ELAVL2: variants seen among roughly 807,000 people sequenced by gnomAD.
The protein encoded by ELAVL2 is ELAV-like protein 2.
In ELAVL2, 4 loss-of-function variants were observed where a neutral mutation model predicts 34.6. The observed-to-expected ratio is 0.12, with a 90% CI of 0.06 to 0.26. ELAVL2 has a LOEUF of 0.26. Among genes scored for constraint, ELAVL2 ranks in the 10% least tolerant of loss-of-function variants. The probability of loss-of-function intolerance (pLI) is 1.00; values close to 1 mark genes in which losing one functional copy is unlikely to be tolerated. For synonymous variants in ELAVL2, 193 were observed against 154.8 expected, an observed-to-expected ratio of 1.25 and a Z score of -1.83; for missense variants, 432 against 442.8, an observed-to-expected ratio of 0.98 and a Z score of 0.22.
At chr9:23,800,412 G>A (rs1253634586) in intron 1 of ELAVL2, among the ~76,000 whole-genome samples, 3 of 152,162 alleles carry the variant, frequency 2.0e-5, no homozygotes, top group Non-Finnish European at 4.4e-5. Context: ...CCCAAGAGCA[G>A]CTCTACTAAG....
intron 1 of ELAVL2, among the ~76,000 whole-genome samples, chr9:23,766,490 C>G (rs940652600): frequency 4.6e-5 from 7 of 152,062 alleles, no homozygotes; most frequent in African/African-American, 1.7e-4. Flanking sequence ...CTACATAAAA[C>G]AGATTTTAAT....
intron 1 of ELAVL2, among the ~76,000 whole-genome samples, chr9:23,804,178 T>A (rs1227978385): frequency 7.6e-6 from 1 of 131,468 alleles, no homozygotes; most frequent in African/African-American, 2.5e-5. Context: ...TATTTATTTA[T>A]TTATTTTTTT....
chr9:23,765,061 TCA>T, intron 1 of ELAVL2: 1 of 1,609,602 alleles, frequency 6.2e-7, no homozygotes, highest in Non-Finnish European at 8.5e-7. Context: ...AGAAGCCACA[TCA>T]CACAGTCTGA....
chr9:23,695,157 A>T (rs2034689645), intron 5 of ELAVL2, among the ~76,000 whole-genome samples: 1 of 152,196 alleles, frequency 6.6e-6, no homozygotes, highest in South Asian at 2.1e-4. Context: ...AACTACCAGC[A>T]ATAAAGACAA....
At chr9:23,723,470 C>T (rs1344607236) in intron 3 of ELAVL2, among the ~76,000 whole-genome samples, 1 of 151,836 alleles carries the variant, frequency 6.6e-6, no homozygotes, top group Admixed American at 6.6e-5. Context: ...TGCTGAATGA[C>T]CAGTTAATGG....
chr9:23,797,222 G>A (rs2061038458), intron 1 of ELAVL2, among the ~76,000 whole-genome samples: 1 of 152,116 alleles, frequency 6.6e-6, no homozygotes, highest in Non-Finnish European at 1.5e-5. Context: ...GCCCAAAAGT[G>A]AACCTCTATC....
intron 2 of ELAVL2, among the ~76,000 whole-genome samples, chr9:23,759,153 A>G (rs1318106211): frequency 1.3e-5 from 2 of 152,122 alleles, no homozygotes; most frequent in Non-Finnish European, 2.9e-5. Flanking sequence ...AACAGCCAAA[A>G]TATGGACTCA....
At chr9:23,799,406 TC>T (rs971430446) in intron 1 of ELAVL2, among the ~76,000 whole-genome samples, 14 of 152,164 alleles carry the variant, frequency 9.2e-5, no homozygotes, top group Non-Finnish European at 2.1e-4. Context: ...CCTAAGGCAC[TC>T]AGGGTGAAAC....
chr9:23,790,945 C>T (rs554520649), intron 1 of ELAVL2, among the ~76,000 whole-genome samples: 1 of 152,292 alleles, frequency 6.6e-6, no homozygotes, highest in Admixed American at 6.5e-5. Context: ...CAGAGCTGCA[C>T]AGACACCAGC....
chr9:23,827,161 T>C (rs1384915994), upstream of ELAVL2, among the ~76,000 whole-genome samples: 2 of 152,212 alleles, frequency 1.3e-5, no homozygotes, highest in African/African-American at 4.8e-5. Context: ...CTCCTCTGCA[T>C]TTGCAGACAG....
chr9:23,799,217 G>A (rs2061310908), intron 1 of ELAVL2, among the ~76,000 whole-genome samples: 1 of 152,040 alleles, frequency 6.6e-6, no homozygotes, highest in African/African-American at 2.4e-5. Context: ...AAATACAAAG[G>A]AGTACCTCTC....
chr9:23,763,971 C>G (rs1194532028), intron 1 of ELAVL2, among the ~76,000 whole-genome samples: 2 of 152,184 alleles, frequency 1.3e-5, no homozygotes, highest in African/African-American at 4.8e-5. Flanking sequence ...ATTTAAAAAT[C>G]TTAAATAATT....
intron 3 of ELAVL2, among the ~76,000 whole-genome samples, chr9:23,706,342 G>C (rs2039315748): frequency 1.3e-5 from 2 of 152,182 alleles, no homozygotes; most frequent in Admixed American, 6.5e-5. Context: ...CCTAGTGAGT[G>C]CCTGACATGT....
intron 1 of ELAVL2, among the ~76,000 whole-genome samples, chr9:23,784,623 CTT>C (rs2059464797): frequency 6.6e-6 from 1 of 152,150 alleles, no homozygotes; most frequent in South Asian, 2.1e-4. Context: ...ATGGATAAAA[CTT>C]AAGCTACAGA....
Position 23,692,424 on chromosome 9 carries a change from T to C in ELAVL2, c.*133A>G. On this transcript the variant is annotated 3_prime_UTR_variant, in exon 7 of 7. Coordinates refer to ENST00000397312, the MANE Select transcript of ELAVL2 (RefSeq NM_004432.5). ...GCAATAAAAAATCTCACATATTTCT[T>C]AGGATGCTAAGTAGTCATTTTATCC... The C allele has an allele frequency of 2.3e-6, 2 of 884,522 alleles. No homozygotes were observed. Among genetic ancestry groups the C allele is most frequent in the East Asian group, 5.3e-5 (2 of 37,392 alleles). 54.8% of individuals were successfully genotyped at this position (884,522 alleles called of 1,614,324 possible). A position where few individuals can be genotyped will look rare whatever the true frequency, so the allele number is the denominator to read the frequency against.
At chr9:23,816,151 T>C (rs2063671851) in intron 1 of ELAVL2, among the ~76,000 whole-genome samples, 1 of 151,950 alleles carries the variant, frequency 6.6e-6, no homozygotes, top group South Asian at 2.1e-4. Context: ...TACAGCTTTC[T>C]TCAAATGCTT....
chr9:23,700,109 AG>A (rs1453946825), intron 5 of ELAVL2, among the ~76,000 whole-genome samples: 1 of 152,194 alleles, frequency 6.6e-6, no homozygotes, highest in East Asian at 1.9e-4. Flanking sequence ...GATTTAAGCT[AG>A]AAAACATAAC....
intron 3 of ELAVL2, among the ~76,000 whole-genome samples, chr9:23,718,405 G>A (rs920151225): frequency 6.6e-6 from 1 of 152,036 alleles, no homozygotes; most frequent in Admixed American, 6.6e-5. Flanking sequence ...CATACACAAA[G>A]AAGTTAGGAA....
At chr9:23,700,404 G>A (rs1283709081) in intron 5 of ELAVL2, among the ~76,000 whole-genome samples, 1 of 152,068 alleles carries the variant, frequency 6.6e-6, no homozygotes, top group Non-Finnish European at 1.5e-5. Flanking sequence ...GAGATTTTTT[G>A]AATGACTCCT....
Sources: gnomAD v4.1 joint callset for allele counts (sites outside exome capture counted in the v4.1 genomes callset) on GRCh38, gnomAD v4.1.1 for gene constraint, MANE v1.5 for transcripts, NCBI Gene and HGNC (gene_info 2026-07-23, HGNC 2026-07-21) for gene names.